The following SHB variants were observed in gnomAD, a reference collection of about 807,000 sequenced individuals.
SHB encodes the protein SH2 domain containing adaptor protein B.
Under a neutral mutation model 52.3 loss-of-function variants are expected in SHB, and 20 were observed. That is an observed-to-expected ratio of 0.38 (90% CI 0.27 to 0.56). The LOEUF is 0.56. Ranked by LOEUF, SHB falls within the 20% of genes least tolerant of loss-of-function variation. The probability of loss-of-function intolerance (pLI) is 0.71; values close to 1 mark genes in which losing one functional copy is unlikely to be tolerated. For synonymous variants in SHB, 397 were observed against 316.5 expected (o/e 1.25, Z -2.70); for missense variants, 825 against 723.3 (o/e 1.14, Z -1.61).
chr9:38,012,983 T>C (rs1172754755), intron 2 of SHB, among the ~76,000 whole-genome samples: 4 of 151,902 alleles, frequency 2.6e-5, no homozygotes, highest in Non-Finnish European at 4.4e-5. Flanking sequence ...CTGGAGCATC[T>C]ACGCACTGAT....
rs1295196003 is a variant in SHB at position 38,068,171 on chromosome 9, G to A, written c.475C>T (p.Pro159Ser). Reference sequence around the variant, plus strand: ...TCGCTGCTGCTGCGGTAGAGATGCGGAGAGCCGGAGGACGAGGACGAGGAC... The same window carrying A: ...TCGCTGCTGCTGCGGTAGAGATGCGAAGAGCCGGAGGACGAGGACGAGGAC... ...AASSSSSSGS[P>S]HLYRSSSERR... Residue 159 changes from proline (P) to serine (S), a missense_variant, in exon 1 of 6, where the codon CCG becomes TCG. Physicochemically the swap from Pro to Ser is moderately conservative, Grantham distance 74. Coordinates refer to ENST00000377707, the MANE Select transcript of SHB (RefSeq NM_003028.3). 3 of 1,438,540 alleles carry A rather than the reference G, an allele frequency of 2.1e-6. No individual in the cohort carries two copies. In the African/African-American group the frequency reaches 4.5e-5, roughly 21 times the overall value. The allele number at this position is 1,438,540 out of a possible 1,614,324, so 89.1% of individuals were successfully genotyped here.
intron 1 of SHB, among the ~76,000 whole-genome samples, chr9:38,058,921 G>A (rs954378024): frequency 4.6e-5 from 7 of 152,106 alleles, no homozygotes; most frequent in African/African-American, 1.4e-4. Flanking sequence ...CCAAATTCAC[G>A]TTTGCCATCG....
intron 5 of SHB, among the ~76,000 whole-genome samples, chr9:37,923,890 C>T (rs867083578): frequency 5.9e-5 from 9 of 152,218 alleles, no homozygotes; most frequent in African/African-American, 1.9e-4. Flanking sequence ...GCCCCGGCCC[C>T]GCATCCCGAG....
chr9:38,022,398 G>T (rs574696556), intron 1 of SHB, among the ~76,000 whole-genome samples: 1 of 152,346 alleles, frequency 6.6e-6, no homozygotes, highest in East Asian at 1.9e-4. Flanking sequence ...GGTTTGGTGT[G>T]TGACACAGGC....
At chr9:37,984,177 C>T (rs908699352) in intron 2 of SHB, among the ~76,000 whole-genome samples, 3 of 152,206 alleles carry the variant, frequency 2.0e-5, no homozygotes, top group South Asian at 4.1e-4. Flanking sequence ...CTCCTGGGGG[C>T]TTCCTTGGAG....
In SHB at chr9:38,006,559, G is replaced by A. The variant is rs76614923; in HGVS notation, c.838+9452C>T. Among the ~76,000 whole-genome samples the A allele has an allele frequency of 6.0e-3, 921 of 152,324 alleles. 12 individuals are homozygous for A. The highest frequency in any genetic ancestry group is 0.021 in the African/African-American group (882 of 41,568). ...TGAAATGCAAGGCTGAGGCAGGCCTGGGGAGGTGAACTCCTCCATTTCACA... is the reference window on the plus strand; with the variant it reads ...TGAAATGCAAGGCTGAGGCAGGCCTAGGGAGGTGAACTCCTCCATTTCACA... On this transcript the variant is annotated intron_variant, in intron 2 of 5. Coordinates refer to ENST00000377707, the MANE Select transcript of SHB (RefSeq NM_003028.3).
Position 37,950,458 on chromosome 9 carries a change from C to T in SHB, c.1227-1704G>A, listed in dbSNP as rs922549633. ...TGATTTTCATGACTGGAAGAGCTGA[C>T]GGTAAAACTGCAGGGAAAGAATAAA... On this transcript the variant is annotated intron_variant, in intron 4 of 5. Transcript: ENST00000377707. 7.9e-5 allele frequency among the ~76,000 whole-genome samples: 12 copies of T among 152,134 alleles called. No individual in the cohort carries two copies. The East Asian group carries it at 2.1e-3, about 27-fold the overall frequency.
chr9:38,068,346 G>GC lies in SHB; in HGVS notation c.299dup (p.Ser101LeufsTer145). On this transcript the variant is annotated frameshift_variant, in exon 1 of 6. Coordinates refer to ENST00000377707, the MANE Select transcript of SHB (RefSeq NM_003028.3). LOFTEE classifies it high-confidence loss of function. ...TGGCGCGCAGTTTGCGCAGCGACGA[G>GC]CCAGGCCCGTTGTAGGGGTCCTCGA... 1 of 1,560,114 alleles carries GC rather than the reference G, an allele frequency of 6.4e-7. No homozygotes were observed. Among genetic ancestry groups the GC allele is most frequent in the Non-Finnish European group, 8.6e-7 (1 of 1,157,740 alleles).
chr9:37,996,982 G>T (rs1290011332), intron 2 of SHB, among the ~76,000 whole-genome samples: 2 of 152,206 alleles, frequency 1.3e-5, no homozygotes, highest in Non-Finnish European at 2.9e-5. Flanking sequence ...TCTGCCTGGT[G>T]TCAGGAGGAT....
At position 37,997,543 on chromosome 9, in the gene SHB, T is replaced by C. The variant is rs1186758733; in HGVS notation, c.838+18468A>G. On this transcript the variant is annotated intron_variant, in intron 2 of 5. Coordinates refer to ENST00000377707, the MANE Select transcript of SHB (RefSeq NM_003028.3). ...AGTAAAGCCCAAGACATGTCAGACC[T>C]GAGTCCACATCCACTGGGGCTTGGA... Among the ~76,000 whole-genome samples, 3 of 152,204 alleles carry C rather than the reference T, an allele frequency of 2.0e-5. No individual in the cohort carries two copies. The East Asian group carries it at 5.8e-4, about 29-fold the overall frequency.
intron 4 of SHB, among the ~76,000 whole-genome samples, chr9:37,953,485 T>C (rs1447426297): frequency 1.3e-5 from 2 of 151,570 alleles, no homozygotes; most frequent in East Asian, 3.9e-4. Flanking sequence ...CTGATGGTAA[T>C]GATGGAGGAA....
At chr9:38,034,789 C>T (rs992310020) in intron 1 of SHB, among the ~76,000 whole-genome samples, 2 of 152,222 alleles carry the variant, frequency 1.3e-5, no homozygotes, top group Admixed American at 1.3e-4. Flanking sequence ...CTCTGCCTCC[C>T]GGGTTCAAGT....
chr9:38,017,865 C>A (rs1209232536), intron 1 of SHB, among the ~76,000 whole-genome samples: 1 of 151,926 alleles, frequency 6.6e-6, no homozygotes, highest in East Asian at 1.9e-4. Flanking sequence ...TTTGCTATTT[C>A]TACTCTACCA....
chr9:38,048,018 A>C (rs1280403958), intron 1 of SHB, among the ~76,000 whole-genome samples: 1 of 152,152 alleles, frequency 6.6e-6, no homozygotes, highest in Non-Finnish European at 1.5e-5. Context: ...ACAATGAGAC[A>C]CTCAGCGGCT....
intron 2 of SHB, among the ~76,000 whole-genome samples, chr9:38,010,220 G>A (rs771008017): frequency 8.5e-5 from 13 of 152,180 alleles, no homozygotes; most frequent in Non-Finnish European, 1.3e-4. Flanking sequence ...CCTCATAGGC[G>A]AGGATTAAGT....
At chr9:37,973,466 AC>A (rs1461913091) in intron 3 of SHB, among the ~76,000 whole-genome samples, 1 of 151,574 alleles carries the variant, frequency 6.6e-6, no homozygotes, top group Non-Finnish European at 1.5e-5. Flanking sequence ...CAGGTGATCC[AC>A]CCGCCTCGGC....
intron 2 of SHB, among the ~76,000 whole-genome samples, chr9:37,995,337 C>T (rs2118025312): frequency 6.6e-6 from 1 of 152,232 alleles, no homozygotes; most frequent in African/African-American, 2.4e-5. Context: ...CCCACCCTCC[C>T]AAGGAATCTT....
intron 5 of SHB, among the ~76,000 whole-genome samples, chr9:37,943,619 A>G (rs1832458899): frequency 6.6e-6 from 1 of 152,156 alleles, no homozygotes; most frequent in Non-Finnish European, 1.5e-5. Context: ...CACCACCTCA[A>G]CCAAGCAGGG....
chr9:38,054,468 C>A (rs1003437891), intron 1 of SHB, among the ~76,000 whole-genome samples: 9 of 152,200 alleles, frequency 5.9e-5, no homozygotes, highest in African/African-American at 1.9e-4. Flanking sequence ...ACCTCAGTGC[C>A]AACCTCAACT....
Sources: gnomAD v4.1 joint callset for allele counts (sites outside exome capture counted in the v4.1 genomes callset) on GRCh38, gnomAD v4.1.1 for gene constraint, MANE v1.5 for transcripts, NCBI Gene and HGNC (gene_info 2026-07-23, HGNC 2026-07-21) for gene names.